The following ARHGAP10 variants were observed in gnomAD, a reference collection of about 807,000 sequenced individuals.
ARHGAP10 encodes Rho GTPase activating protein 10, also known as rho GTPase-activating protein 10.
A neutral mutation model predicts 108.6 loss-of-function variants in ARHGAP10; 87 were observed. The ratio of observed to expected loss-of-function variants is 0.80; its 90% CI spans 0.67 to 0.96. The LOEUF (loss-of-function observed/expected upper bound fraction) is 0.96, where lower values mean the gene tolerates loss of function less well. ARHGAP10 is among the 40% of genes least tolerant of loss of function. ARHGAP10 has a pLI of 0.00. For synonymous variants in ARHGAP10, 347 were observed against 341.1 expected, an observed-to-expected ratio of 1.02 and a Z score of -0.19; for missense variants, 939 against 954.5, an observed-to-expected ratio of 0.98 and a Z score of 0.21.
At chr4:147,847,321 G>A in intron 4 of ARHGAP10, 99 bp downstream of exon 4, 1 of 1,079,580 alleles carries the variant, frequency 9.3e-7, no homozygotes, top group Non-Finnish European at 1.4e-6. Flanking sequence ...AGATGCCGGA[G>A]CAAACCATCT....
chr4:148,064,304 A>T, intron 21 of ARHGAP10, 112 bp from the exon 22 acceptor site: 1 of 723,832 alleles, frequency 1.4e-6, no homozygotes, highest in South Asian at 1.8e-5. Context: ...TTTTGGGAGG[A>T]GTTGCCCTAC....
chr4:147,879,747 A>G (rs1579153108), intron 9 of ARHGAP10, among the ~76,000 whole-genome samples: 1 of 142,560 alleles, frequency 7.0e-6, no homozygotes, highest in Non-Finnish European at 1.5e-5. Flanking sequence ...CCCTGTGTCC[A>G]TGTGTTCTCA....
intron 1 of ARHGAP10, among the ~76,000 whole-genome samples, chr4:147,809,518 G>A (rs188618842): frequency 6.6e-6 from 1 of 152,220 alleles, no homozygotes; most frequent in African/African-American, 2.4e-5. Context: ...TTGGTTCTAG[G>A]TTGTTGATGA....
At chr4:148,032,224 G>A (rs1252879355) in intron 19 of ARHGAP10, among the ~76,000 whole-genome samples, 1 of 151,564 alleles carries the variant, frequency 6.6e-6, no homozygotes, top group Non-Finnish European at 1.5e-5. Flanking sequence ...CTCAGTGCCT[G>A]CGTCTGCAAG....
At chr4:148,029,695 G>C (rs1293866231) in intron 19 of ARHGAP10, among the ~76,000 whole-genome samples, 1 of 152,022 alleles carries the variant, frequency 6.6e-6, no homozygotes, top group Non-Finnish European at 1.5e-5. Flanking sequence ...TTCATGGGTG[G>C]GCTCTGGATA....
At chr4:148,027,600 C>T (rs563477125) in intron 19 of ARHGAP10, among the ~76,000 whole-genome samples, 1 of 152,316 alleles carries the variant, frequency 6.6e-6, no homozygotes, top group East Asian at 1.9e-4. Context: ...AGGAACATAT[C>T]TTGATCTAGG....
At chr4:147,970,226 T>C (rs932570384) in intron 18 of ARHGAP10, among the ~76,000 whole-genome samples, 1 of 152,150 alleles carries the variant, frequency 6.6e-6, no homozygotes, top group African/African-American at 2.4e-5. Context: ...GATGCGTGGA[T>C]CTATGTTAGC....
At chr4:147,832,087 G>A (rs988092094) in intron 3 of ARHGAP10, among the ~76,000 whole-genome samples, 2 of 151,814 alleles carry the variant, frequency 1.3e-5, no homozygotes, top group African/African-American at 2.4e-5. Flanking sequence ...TGCCCCGCCC[G>A]ACATACACAC....
At chr4:147,860,523 T>G (rs1287710027) in intron 5 of ARHGAP10, among the ~76,000 whole-genome samples, 1 of 152,206 alleles carries the variant, frequency 6.6e-6, no homozygotes, top group Non-Finnish European at 1.5e-5. Context: ...GGCAGTTCTC[T>G]GAGGCCTTGC....
At chr4:148,001,629 C>T (rs1345882955) in intron 18 of ARHGAP10, among the ~76,000 whole-genome samples, 1 of 109,452 alleles carries the variant, frequency 9.1e-6, no homozygotes, top group Non-Finnish European at 1.9e-5. Flanking sequence ...AGGTCCTTCA[C>T]ATCCCTTGTA....
chr4:147,800,897 C>T (rs922239649), intron 1 of ARHGAP10, among the ~76,000 whole-genome samples: 5 of 152,192 alleles, frequency 3.3e-5, no homozygotes, highest in Admixed American at 6.5e-5. Context: ...CTGCAACCCA[C>T]GCCTCGTGGG....
In ARHGAP10 at chr4:148,048,541, C is replaced by T. The variant is rs138067393; in HGVS notation, c.2027+1490C>T. ...TTCCACAATAAAAATTCTGTTTCACCGTAGTACTACAAGCAACAATAACAG... is the reference window on the plus strand; with the variant it reads ...TTCCACAATAAAAATTCTGTTTCACTGTAGTACTACAAGCAACAATAACAG... On this transcript the variant is annotated intron_variant, in intron 20 of 22. Transcript: ENST00000336498. Among the ~76,000 whole-genome samples, 143 of 152,214 alleles carry T rather than the reference C, an allele frequency of 9.4e-4. 2 individuals are homozygous for T. Among genetic ancestry groups the T allele is most frequent in the Middle Eastern group, 6.8e-3 (2 of 294 alleles).
At chr4:148,033,618 C>T (rs28620191) in intron 19 of ARHGAP10, among the ~76,000 whole-genome samples, 20,568 of 152,000 alleles carry the variant, frequency 0.14, 2,310 homozygotes, top group African/African-American at 0.31. Flanking sequence ...ACACACATAC[C>T]GCATACATTT....
intron 1 of ARHGAP10, among the ~76,000 whole-genome samples, chr4:147,794,363 T>G (rs111508049): frequency 4.5e-4 from 69 of 152,340 alleles, no homozygotes; most frequent in African/African-American, 1.5e-3. Context: ...TAATGTTAAT[T>G]CTCACAACAT....
At chr4:147,854,036 T>A (rs1733987723) in intron 4 of ARHGAP10, among the ~76,000 whole-genome samples, 1 of 152,224 alleles carries the variant, frequency 6.6e-6, no homozygotes, top group Admixed American at 6.5e-5. Context: ...GAAGATCTGG[T>A]TATTTGAATT....
intron 10 of ARHGAP10, among the ~76,000 whole-genome samples, chr4:147,887,655 A>C (rs1226708528): frequency 6.6e-6 from 1 of 152,036 alleles, no homozygotes; most frequent in African/African-American, 2.4e-5. Context: ...TGAGGTCAGG[A>C]GTGCAAGAGC....
chr4:147,963,697 A>G (rs1739090073), intron 16 of ARHGAP10, among the ~76,000 whole-genome samples: 1 of 152,328 alleles, frequency 6.6e-6, no homozygotes, highest in South Asian at 2.1e-4. Context: ...TCACAATTCT[A>G]GAGTCTGGAG....
chr4:147,895,998 T>A (rs1002057695), intron 10 of ARHGAP10, among the ~76,000 whole-genome samples: 3 of 152,362 alleles, frequency 2.0e-5, no homozygotes, highest in Non-Finnish European at 4.4e-5. Flanking sequence ...TAAATATGTT[T>A]CTTTAATCTT....
At chr4:148,024,129 T>C (rs1741678323) in intron 19 of ARHGAP10, among the ~76,000 whole-genome samples, 1 of 152,234 alleles carries the variant, frequency 6.6e-6, no homozygotes, top group Non-Finnish European at 1.5e-5. Context: ...CTCCCATTGC[T>C]AATTTGTAAT....
Sources: gnomAD v4.1 joint callset for allele counts (sites outside exome capture counted in the v4.1 genomes callset) on GRCh38, gnomAD v4.1.1 for gene constraint, MANE v1.5 for transcripts, NCBI Gene and HGNC (gene_info 2026-07-23, HGNC 2026-07-21) for gene names.